ZNF423: variants seen among roughly 807,000 people sequenced by gnomAD.
ZNF423 encodes the protein zinc finger protein 423.
A neutral mutation model predicts 95.8 loss-of-function variants in ZNF423; 12 were observed. The ratio of observed to expected loss-of-function variants is 0.13; its 90% CI spans 0.08 to 0.20. ZNF423 has a LOEUF of 0.20. Ranked by LOEUF, ZNF423 falls within the 10% of genes least tolerant of loss-of-function variation. The pLI is 1.00. For synonymous variants in ZNF423, 749 were observed against 711.9 expected (o/e 1.05, Z -0.83); for missense variants, 1,316 against 1,737.1 (o/e 0.76, Z 4.31).
intron 1 of ZNF423, among the ~76,000 whole-genome samples, chr16:49,804,891 C>CTTTTTT (rs754687457): frequency 1.0e-5 from 1 of 95,906 alleles, no homozygotes; most frequent in Non-Finnish European, 2.0e-5. Context: ...GATCCCACAG[C>CTTTTTT]TTTTTTTTTT....
intron 3 of ZNF423, among the ~76,000 whole-genome samples, chr16:49,677,769 A>AG (rs2031180941): frequency 8.9e-6 from 1 of 111,992 alleles, no homozygotes; most frequent in East Asian, 2.8e-4. Flanking sequence ...AAAAAAAAAA[A>AG]GAGAGAGAGA....
At chr16:49,754,009 C>A (rs903241463) in intron 2 of ZNF423, among the ~76,000 whole-genome samples, 2 of 143,510 alleles carry the variant, frequency 1.4e-5, no homozygotes, top group East Asian at 2.0e-4. Flanking sequence ...CCAGCCTGGG[C>A]GACAAGAGCA....
At chr16:49,695,474 G>C (rs1451958593) in intron 3 of ZNF423, among the ~76,000 whole-genome samples, 2 of 152,238 alleles carry the variant, frequency 1.3e-5, no homozygotes, top group African/African-American at 4.8e-5. Flanking sequence ...TGTATTTTTA[G>C]TAGAGATGGG....
chr16:49,659,006 G>A (rs892850917), intron 3 of ZNF423, among the ~76,000 whole-genome samples: 12 of 152,212 alleles, frequency 7.9e-5, no homozygotes, highest in African/African-American at 2.7e-4. Flanking sequence ...CACTTCCTAC[G>A]TGCCGGGCTT....
intron 1 of ZNF423, among the ~76,000 whole-genome samples, chr16:49,806,179 C>G (rs2034660334): frequency 6.6e-6 from 1 of 152,286 alleles, no homozygotes; most frequent in Non-Finnish European, 1.5e-5. Context: ...TCTCGCCCAC[C>G]AGCTGGGAAA....
chr16:49,659,177 C>A (rs1260075941), intron 3 of ZNF423, among the ~76,000 whole-genome samples: 1 of 152,204 alleles, frequency 6.6e-6, no homozygotes, highest in African/African-American at 2.4e-5. Context: ...TGGCCTCAAC[C>A]TCCTAGGCTC....
intron 1 of ZNF423, 84 bp from the exon 2 acceptor site, chr16:49,789,630 C>T (rs2034379075): frequency 7.3e-7 from 1 of 1,364,554 alleles, no homozygotes; most frequent in Admixed American, 2.5e-5. Flanking sequence ...GAAGAAGGAA[C>T]ATTTGTGGGG....
intron 5 of ZNF423, among the ~76,000 whole-genome samples, chr16:49,540,822 T>C (rs1597075048): frequency 6.6e-6 from 1 of 152,108 alleles, no homozygotes; most frequent in African/African-American, 2.4e-5. Context: ...CTGGCCTCCA[T>C]GTGGATGGCT....
rs185518114 is a variant in ZNF423 at position 49,494,003 on chromosome 16, G to A, written c.3850-2699C>T. ...CCAAGGACCACCCACTACCAACATG[G>A]GCACAGGGGGTGTCTGGGATCTCTG... On this transcript the variant is annotated intron_variant, in intron 7 of 7. Coordinates refer to ENST00000563137, the MANE Select transcript of ZNF423 (RefSeq NM_001379286.1). Among the ~76,000 whole-genome samples, 188 of 152,278 alleles carry A rather than the reference G, an allele frequency of 1.2e-3. 1 individual carries two copies. The highest frequency in any genetic ancestry group is 4.2e-3 in the African/African-American group (175 of 41,548).
Position 49,712,287 on chromosome 16 carries a change from G to A in ZNF423, c.301+18484C>T, listed in dbSNP as rs565857998. ...TTGGTCACAGAAGGAACGGGCGCCC[G>A]CACTGCTAATGCACGGTGGGGCTCG... On this transcript the variant is annotated intron_variant, in intron 3 of 7. Transcript: ENST00000563137. Among the ~76,000 whole-genome samples the A allele has an allele frequency of 1.1e-4, 17 of 152,328 alleles. No individual in the cohort carries two copies. The South Asian group carries it at 3.5e-3, about 32-fold the overall frequency.
intron 3 of ZNF423, among the ~76,000 whole-genome samples, chr16:49,715,017 G>A (rs964158633): frequency 5.3e-5 from 8 of 152,160 alleles, no homozygotes; most frequent in African/African-American, 1.4e-4. Flanking sequence ...CCTGGTGTTC[G>A]TGCCATCCAA....
At chr16:49,553,645 C>A (rs4785178) in intron 5 of ZNF423, among the ~76,000 whole-genome samples, 15,088 of 151,202 alleles carry the variant, frequency 0.1, 943 homozygotes, top group African/African-American at 0.18. Context: ...CCGAGCCTGG[C>A]CTATTTTTAT....
chr16:49,834,620 G>T (rs765696870), intron 1 of ZNF423, among the ~76,000 whole-genome samples: 1 of 152,176 alleles, frequency 6.6e-6, no homozygotes, highest in Non-Finnish European at 1.5e-5. Flanking sequence ...GGGGGAAACC[G>T]GAGCCTGGTC....
chr16:49,597,502 T>C (rs1389042409), intron 5 of ZNF423, among the ~76,000 whole-genome samples: 2 of 152,236 alleles, frequency 1.3e-5, no homozygotes. Context: ...AAAAGTATAC[T>C]CTTTAATTTC....
At chr16:49,814,927 C>A (rs1020363436) in intron 1 of ZNF423, among the ~76,000 whole-genome samples, 4 of 152,064 alleles carry the variant, frequency 2.6e-5, no homozygotes, top group African/African-American at 9.7e-5. Context: ...AGCCCCAGAG[C>A]ACTGGCCATC....
rs888785104 is a variant in ZNF423 at position 49,724,180 on chromosome 16, T to C, written c.301+6591A>G. 2.6e-5 allele frequency among the ~76,000 whole-genome samples: 4 copies of C among 152,208 alleles called. No individual in the cohort carries two copies. The East Asian group carries it at 5.8e-4, about 22-fold the overall frequency. On this transcript the variant is annotated intron_variant, in intron 3 of 7. Transcript: ENST00000563137. ...TGTGTTCCCTGTCTTCCCCCCACCA[T>C]AATTGATTTTGTTTGTCTGTCCTCT...
intron 3 of ZNF423, among the ~76,000 whole-genome samples, chr16:49,659,081 G>C (rs945456683): frequency 1.3e-5 from 2 of 152,016 alleles, no homozygotes; most frequent in Admixed American, 6.6e-5. Flanking sequence ...TTGTTTTAGC[G>C]GGGGGTGGTT....
intron 5 of ZNF423, among the ~76,000 whole-genome samples, chr16:49,553,637 G>A (rs1184196553): frequency 1.3e-5 from 2 of 151,474 alleles, no homozygotes; most frequent in African/African-American, 2.4e-5. Context: ...ATGTGTCGCC[G>A]AGCCTGGCCT....
rs1220768986 is a variant in ZNF423, at chr16:49,635,790, C to T, written c.3386G>A (p.Arg1129His). The change falls in exon 4 of 8, where the codon CGT (arginine) becomes CAT (histidine). Residue 1129 changes from arginine to histidine, a missense_variant. Arg to His is a conservative substitution (Grantham distance 29, BLOSUM62 0). Transcript: ENST00000563137. This position sits in a 1 kb window ranked among gnomAD's most constrained non-coding sequence, Gnocchi z 4.8. ...EPADRPCAGLRCPECSVKFES... is the reference protein window; with the variant it reads ...EPADRPCAGLHCPECSVKFES... ...AAACTTGACACTGCACTCGGGGCAACGGAGGCCGGCACAGGGCCGGTCGGC... is the reference window on the plus strand; with the variant it reads ...AAACTTGACACTGCACTCGGGGCAATGGAGGCCGGCACAGGGCCGGTCGGC... 6 of 1,612,406 alleles carry T rather than the reference C, an allele frequency of 3.7e-6. No individual in the cohort carries two copies. Among genetic ancestry groups the T allele is most frequent in the Non-Finnish European group, 4.2e-6 (5 of 1,179,726 alleles).
Sources: allele counts gnomAD v4.1 joint callset (sites outside exome capture counted in the v4.1 genomes callset), GRCh38; gene constraint gnomAD v4.1.1; non-coding constraint Gnocchi (gnomAD v3.1); transcripts MANE v1.5; gene names NCBI Gene and HGNC (gene_info 2026-07-23, HGNC 2026-07-21).